Variants in FGF14 observed in about 807,000 individuals in gnomAD.
FGF14 encodes the protein fibroblast growth factor 14, also known as fibroblast growth factor homologous factor 4.
A neutral mutation model predicts 25.5 loss-of-function variants in FGF14; 5 were observed. That is an observed-to-expected ratio of 0.20 (90% CI 0.10 to 0.41). The LOEUF is 0.41. Ranked by LOEUF, FGF14 falls within the 10% of genes least tolerant of loss-of-function variation. The probability of loss-of-function intolerance (pLI) is 1.00; values close to 1 mark genes in which losing one functional copy is unlikely to be tolerated. For missense variants in FGF14, 222 were observed against 320.1 expected, an observed-to-expected ratio of 0.69 and a Z score of 2.34; for synonymous variants, 138 against 118.3, an observed-to-expected ratio of 1.17 and a Z score of -1.08.
intron 1 of FGF14, among the ~76,000 whole-genome samples, chr13:102,286,171 C>T (rs2054088106): frequency 6.6e-6 from 1 of 152,056 alleles, no homozygotes; most frequent in Non-Finnish European, 1.5e-5. Flanking sequence ...GCAATCATTG[C>T]CATATTCTCA....
chr13:101,747,310 T>G lies in FGF14; in HGVS notation c.409-20500A>C, dbSNP rs7328822. Among the ~76,000 whole-genome samples, 342 of 152,156 alleles carry G rather than the reference T, an allele frequency of 2.2e-3. 3 individuals are homozygous for G. The highest frequency in any genetic ancestry group is 7.6e-3 in the African/African-American group (314 of 41,558). On this transcript the variant is annotated intron_variant, in intron 3 of 4. Coordinates refer to ENST00000376143, the MANE Select transcript of FGF14 (RefSeq NM_004115.4). ...ATTAGGTACCCATTAACTAGCAAGC[T>G]CTATAATAAGTGTCAGAGATTCAGC...
At chr13:101,846,902 T>C (rs186112814) in intron 3 of FGF14, among the ~76,000 whole-genome samples, 2 of 152,176 alleles carry the variant, frequency 1.3e-5, no homozygotes, top group Admixed American at 1.3e-4. Flanking sequence ...GGATTTTTCA[T>C]AGTCAATTAA....
chr13:101,985,943 A>G (rs1490456586), intron 1 of FGF14, among the ~76,000 whole-genome samples: 1 of 152,088 alleles, frequency 6.6e-6, no homozygotes, highest in Non-Finnish European at 1.5e-5. Flanking sequence ...AAAACATCCA[A>G]CTGCTACCTA....
chr13:102,388,645 A>G (rs2058362453), intron 1 of FGF14, among the ~76,000 whole-genome samples: 1 of 152,212 alleles, frequency 6.6e-6, no homozygotes, highest in Non-Finnish European at 1.5e-5. Flanking sequence ...TGCTCATATT[A>G]CATACCCAGA....
At chr13:101,750,225 CAA>C (rs1282396623) in intron 3 of FGF14, among the ~76,000 whole-genome samples, 1 of 152,032 alleles carries the variant, frequency 6.6e-6, no homozygotes, top group Non-Finnish European at 1.5e-5. Context: ...GGTCAGAGCA[CAA>C]ATAAGATACA....
intron 1 of FGF14, among the ~76,000 whole-genome samples, chr13:101,908,978 C>G (rs1176048244): frequency 1.3e-5 from 2 of 152,072 alleles, no homozygotes; most frequent in Non-Finnish European, 2.9e-5. Context: ...CTGACAAAAA[C>G]AAGAAATGGG....
chr13:101,908,079 G>C (rs991959823), intron 1 of FGF14, among the ~76,000 whole-genome samples: 2 of 152,090 alleles, frequency 1.3e-5, no homozygotes, highest in Non-Finnish European at 2.9e-5. Context: ...TGGGAGAGGA[G>C]ACATAAGAGG....
At chr13:102,250,522 T>G (rs184247113) in intron 1 of FGF14, among the ~76,000 whole-genome samples, 2 of 152,066 alleles carry the variant, frequency 1.3e-5, no homozygotes, top group East Asian at 3.9e-4. Flanking sequence ...GTAGGCAAAG[T>G]GGAGTTGATT....
At chr13:102,385,766 CTTAAAA>C (rs1425779625) in intron 1 of FGF14, among the ~76,000 whole-genome samples, 3 of 152,076 alleles carry the variant, frequency 2.0e-5, no homozygotes, top group Non-Finnish European at 4.4e-5. Flanking sequence ...TGCACAAACA[CTTAAAA>C]TTTTGTCCCA....
chr13:102,379,416 AC>A (rs2058125350), intron 1 of FGF14, among the ~76,000 whole-genome samples: 1 of 63,460 alleles, frequency 1.6e-5, no homozygotes, highest in Non-Finnish European at 2.7e-5. Context: ...ATACACATAC[AC>A]ACACACACAC....
At chr13:101,796,051 A>G (rs1389030800) in intron 3 of FGF14, among the ~76,000 whole-genome samples, 1 of 152,132 alleles carries the variant, frequency 6.6e-6, no homozygotes, top group Non-Finnish European at 1.5e-5. Context: ...TCCAAAGTAT[A>G]TGGCAGTAAT....
rs770748136 is a variant in FGF14 at position 101,714,524 on chromosome 13, G to A, written c.*8307C>T. ...CTGTGACTGTGATGACAGAGACTGC[G>A]ACAAACATGATGGTCTCATTTGTAC... On this transcript the variant is annotated 3_prime_UTR_variant, in exon 5 of 5. Coordinates refer to ENST00000376143, the MANE Select transcript of FGF14 (RefSeq NM_004115.4). 17 of 1,607,102 alleles carry A rather than the reference G, an allele frequency of 1.1e-5. No individual in the cohort carries two copies. Among genetic ancestry groups the A allele is most frequent in the East Asian group, 6.7e-5 (3 of 44,842 alleles).
chr13:101,794,575 C>T (rs2040416779), intron 3 of FGF14, among the ~76,000 whole-genome samples: 3 of 152,074 alleles, frequency 2.0e-5, no homozygotes, highest in Non-Finnish European at 4.4e-5. Flanking sequence ...AATTTTTTTC[C>T]TGTTTCTCAT....
At chr13:101,830,543 A>G (rs1311022565) in intron 3 of FGF14, among the ~76,000 whole-genome samples, 1 of 152,066 alleles carries the variant, frequency 6.6e-6, no homozygotes. Context: ...TTACCTCAAG[A>G]GGCGAATTTC....
At chr13:101,937,919 C>G (rs1435036678) in intron 1 of FGF14, among the ~76,000 whole-genome samples, 1 of 152,076 alleles carries the variant, frequency 6.6e-6, no homozygotes, top group South Asian at 2.1e-4. Flanking sequence ...TTTAAGCCAC[C>G]CAGTCTGTGG....
chr13:102,168,571 T>G (rs2048116848), intron 1 of FGF14, among the ~76,000 whole-genome samples: 3 of 152,166 alleles, frequency 2.0e-5, no homozygotes, highest in African/African-American at 7.2e-5. Flanking sequence ...TAATGTGGTG[T>G]TAACACTCTG....
At chr13:102,154,172 A>G (rs2047212970) in intron 1 of FGF14, among the ~76,000 whole-genome samples, 1 of 152,206 alleles carries the variant, frequency 6.6e-6, no homozygotes, top group African/African-American at 2.4e-5. Context: ...AGAATGCCAC[A>G]AAGATACTCC....
chr13:102,325,846 T>A (rs1296297668), intron 1 of FGF14, among the ~76,000 whole-genome samples: 1 of 152,208 alleles, frequency 6.6e-6, no homozygotes, highest in Non-Finnish European at 1.5e-5. Context: ...TTTTCATTCA[T>A]CTGTTCACTG....
intron 1 of FGF14, chr13:102,367,899 T>C (rs1398825141): frequency 6.6e-6 from 1 of 152,218 alleles, no homozygotes; most frequent in Non-Finnish European, 1.5e-5. Context: ...CCCCGGACGA[T>C]GGACTAAGAG....
Sources: allele counts gnomAD v4.1 joint callset (sites outside exome capture counted in the v4.1 genomes callset), GRCh38; gene constraint gnomAD v4.1.1; transcripts MANE v1.5; gene names NCBI Gene and HGNC (gene_info 2026-07-23, HGNC 2026-07-21).